The following CACNA1S variants were observed in gnomAD, a reference collection of about 807,000 sequenced individuals.
CACNA1S encodes the protein calcium voltage-gated channel subunit alpha1 S, also known as voltage-dependent L-type calcium channel subunit alpha-1S.
Under a neutral mutation model 207.4 loss-of-function variants are expected in CACNA1S, and 126 were observed. That is an observed-to-expected ratio of 0.61 (90% CI 0.53 to 0.70). The LOEUF (loss-of-function observed/expected upper bound fraction) is 0.70, where lower values mean the gene tolerates loss of function less well. CACNA1S is among the 30% of genes least tolerant of loss of function. The pLI is 0.00. For synonymous variants in CACNA1S, 960 were observed against 932.7 expected, an observed-to-expected ratio of 1.03 and a Z score of -0.53; for missense variants, 2,349 against 2,422.8, an observed-to-expected ratio of 0.97 and a Z score of 0.64.
intron 22 of CACNA1S, among the ~76,000 whole-genome samples, chr1:201,064,371 G>A (rs1242791394): frequency 2.6e-5 from 4 of 152,194 alleles, no homozygotes; most frequent in African/African-American, 9.6e-5. Flanking sequence ...CGTCCCTCCA[G>A]GACAGGGACC....
chr1:201,086,531 G>A (rs1662044264), intron 7 of CACNA1S, among the ~76,000 whole-genome samples: 1 of 152,198 alleles, frequency 6.6e-6, no homozygotes, highest in Non-Finnish European at 1.5e-5. Flanking sequence ...AACCTGGACA[G>A]CGTGTTACCA....
chr1:201,047,132 C>G lies in CACNA1S; in HGVS notation c.4651G>C (p.Asp1551His). ...EEYYGYRPKK[D>H]IVQIQAGLRT... ...GGGCTTACCTGGATCTGTACAATGT[C>G]CTTCTTGGGCCGATAGCCATAATAC... Residue 1551 changes from aspartate to histidine, a missense_variant, in exon 38 of 44, where the codon GAC (aspartate) becomes CAC (histidine). Coordinates refer to ENST00000362061, the MANE Select transcript of CACNA1S (RefSeq NM_000069.3). 6.2e-7 allele frequency: 1 copy of G among 1,614,178 alleles called. No homozygotes were observed. The highest frequency in any genetic ancestry group is 8.5e-7 in the Non-Finnish European group (1 of 1,180,036).
At chr1:201,041,334 A>G (rs1440880599) in intron 41 of CACNA1S, among the ~76,000 whole-genome samples, 170 bp downstream of exon 41, 4 of 152,132 alleles carry the variant, frequency 2.6e-5, no homozygotes, top group African/African-American at 9.7e-5. Context: ...CCCCTGGACA[A>G]GTAGCTGGTC....
At position 201,062,048 on chromosome 1, in the gene CACNA1S, T is replaced by C. The variant is rs1661070022; in HGVS notation, c.2949A>G (p.Ile983Met). 6.2e-7 allele frequency: 1 copy of C among 1,613,828 alleles called. No homozygotes were observed. Among genetic ancestry groups the C allele is most frequent in the South Asian group, 1.1e-5 (1 of 91,084 alleles). The change falls in exon 24 of 44, where the codon ATA becomes ATG. Residue 983 changes from isoleucine (I) to methionine (M), a missense_variant. By Grantham distance (10) the Ile-to-Met change is conservative (BLOSUM62 1). Transcript: ENST00000362061. ...GTACCCACTCGCGGTGACGCAGCTC[T>C]ATCTGCATGGGGTCCCCGTCCTTGT... The part of the protein sequence containing the change: ...YVYKDGDPMQ[I>M]ELRHREWVHS...
At position 201,039,950 on chromosome 1, in the gene CACNA1S, C is replaced by T. The variant is rs1332278716; in HGVS notation, c.5503G>A (p.Gly1835Arg). Residue 1835 changes from glycine to arginine, a missense_variant, in exon 44 of 44, where the codon GGA becomes AGA. Coordinates refer to ENST00000362061, the MANE Select transcript of CACNA1S (RefSeq NM_000069.3). The stretch of plus-strand genomic sequence containing the variant: ...GCCATGCCCTCTGGGGCCTCTCGTC[C>T]TTTCAGTAGCTCTGTTGCCATGATC... ...VEIMATELLKGREAPEGMASS... is the reference protein window; with the variant it reads ...VEIMATELLKRREAPEGMASS... 6.2e-7 allele frequency: 1 copy of T among 1,614,208 alleles called. No homozygotes were observed. Among genetic ancestry groups the T allele is most frequent in the Admixed American group, 1.7e-5 (1 of 60,036 alleles).
In CACNA1S at chr1:201,089,574, C is replaced by A. The variant is rs758005625; in HGVS notation, c.695-111G>T. The A allele has an allele frequency of 1.6e-4, 168 of 1,042,528 alleles. 1 individual carries two copies. Among genetic ancestry groups the A allele is most frequent in the Non-Finnish European group, 2.3e-4 (162 of 695,742 alleles). The allele number at this position is 1,042,528 out of a possible 1,614,324, so 64.6% of individuals were successfully genotyped here. On this transcript the variant is annotated intron_variant, in intron 5 of 43. Coordinates refer to ENST00000362061, the MANE Select transcript of CACNA1S (RefSeq NM_000069.3). The stretch of plus-strand genomic sequence containing the variant: ...GAATTGAGCAGTAAGTCTAAAGACA[C>A]TCTGCTGAAAATGCAAAAGACAGCT...
chr1:201,094,093 C>A (rs1490635414), intron 2 of CACNA1S, 72 bp from the exon 3 acceptor site: 1 of 1,582,824 alleles, frequency 6.3e-7, no homozygotes, highest in South Asian at 1.1e-5. Flanking sequence ...TCCCTGCAGC[C>A]GTGCTGGGTT....
At position 201,066,442 on chromosome 1, in the gene CACNA1S, T is replaced by G; in HGVS notation, c.2658-126A>C. The G allele has an allele frequency of 1.3e-6, 1 of 795,242 alleles. No homozygotes were observed. The highest frequency in any genetic ancestry group is 2.2e-6 in the Non-Finnish European group (1 of 464,732). The allele number at this position is 795,242 out of a possible 1,614,324, so 49.3% of individuals were successfully genotyped here. A position where few individuals can be genotyped will look rare whatever the true frequency, so the allele number is the denominator to read the frequency against. ...CTTTCTGCCTGAAAACACTCCCACC[T>G]TCCCCTTCCCTTTCCTCCAGCCGTG... On this transcript the variant is annotated intron_variant, in intron 20 of 43. Transcript: ENST00000362061. The surrounding 1 kb of genome is among the most constrained non-coding windows in gnomAD (Gnocchi z 4.3).
In CACNA1S at chr1:201,043,573, G is replaced by A. The variant is rs202185027; in HGVS notation, c.4798-42C>T. The stretch of plus-strand genomic sequence containing the variant: ...GAGCAGTGACTGGGGGTGAGGGCAG[G>A]GAGGGCATGGGGGGCTGTCACTCTG... On this transcript the variant is annotated intron_variant, in intron 39 of 43. Coordinates refer to ENST00000362061, the MANE Select transcript of CACNA1S (RefSeq NM_000069.3). 1.0e-3 allele frequency: 1,654 copies of A among 1,592,248 alleles called. 2 individuals are homozygous for A. Among genetic ancestry groups the A allele is most frequent in the Non-Finnish European group, 1.3e-3 (1,482 of 1,161,034 alleles).
chr1:201,058,615 G>A, intron 27 of CACNA1S, 124 bp from the exon 28 acceptor site: 1 of 743,494 alleles, frequency 1.3e-6, no homozygotes, highest in Non-Finnish European at 2.4e-6. Context: ...AAGGTGGGGT[G>A]CCCATGACTC....
chr1:201,062,492 T>A lies in CACNA1S; in HGVS notation c.2876A>T (p.Asp959Val). Residue 959 changes from aspartate (D) to valine (V), a missense_variant, in exon 23 of 44, where the codon GAC becomes GTC. Transcript: ENST00000362061. ...LFKGKFFRCT[D>V]LSKMTEEECR... ...CTCCTCCTCTGTCATCTTGGACAAG[T>A]CGGTGCACCTGAAGAACTTCCCCTG... 6.2e-7 allele frequency: 1 copy of A among 1,607,608 alleles called. No individual in the cohort carries two copies. The highest frequency in any genetic ancestry group is 8.5e-7 in the Non-Finnish European group (1 of 1,177,266).
Position 201,044,470 on chromosome 1 carries a change from A to G in CACNA1S, c.4669-14T>C, listed in dbSNP as rs1312473987. 2 of 1,610,444 alleles carry G rather than the reference A, an allele frequency of 1.2e-6. No individual in the cohort carries two copies. Among genetic ancestry groups the G allele is most frequent in the Admixed American group, 3.3e-5 (2 of 59,958 alleles). Reference sequence around the variant, plus strand: ...CCGCAGCCCTGCCTGGGGATGACGAAGGGACTCAGTTATCTCTCCAGCCCA... The same window carrying G: ...CCGCAGCCCTGCCTGGGGATGACGAGGGGACTCAGTTATCTCTCCAGCCCA... On this transcript the variant is annotated splice_polypyrimidine_tract_variant and intron_variant, in intron 38 of 43. Coordinates refer to ENST00000362061, the MANE Select transcript of CACNA1S (RefSeq NM_000069.3).
rs771362060 is a variant in CACNA1S, at chr1:201,048,699, G to A, written c.4339-15C>T. On this transcript the variant is annotated splice_polypyrimidine_tract_variant and intron_variant, in intron 35 of 43. Transcript: ENST00000362061. ...CCCACCAGCCGCTGTACAGGGAGAC[G>A]CAGTGGCCTGCCGCTGAGCTGGGAC... is the stretch of plus-strand genomic sequence containing the variant. 46 of 1,603,982 alleles carry A rather than the reference G, an allele frequency of 2.9e-5. No homozygotes were observed. Among genetic ancestry groups the A allele is most frequent in the South Asian group, 1.6e-4 (15 of 90,926 alleles).
In CACNA1S at chr1:201,073,553, G is replaced by A; in HGVS notation, c.2153C>T (p.Ala718Val). The part of the protein sequence containing the change: ...KPKGEGIPTT[A>V]KLKIDEFESN... The stretch of plus-strand genomic sequence containing the variant: ...ATCCCCACCTGAGGTGCTCACCTTG[G>A]CAGTGGTGGGGATGCCCTCACCCTT... The change falls in exon 15 of 44, where the codon GCC (alanine) becomes GTC (valine). Residue 718 changes from alanine to valine, a missense_variant. Coordinates refer to ENST00000362061, the MANE Select transcript of CACNA1S (RefSeq NM_000069.3). 1 of 1,611,996 alleles carries A rather than the reference G, an allele frequency of 6.2e-7. No homozygotes were observed. Among genetic ancestry groups the A allele is most frequent in the South Asian group, 1.1e-5 (1 of 91,058 alleles).
At chr1:201,085,645 G>A (rs1410753139) in intron 7 of CACNA1S, 64 bp from the exon 8 acceptor site, 7 of 1,586,702 alleles carry the variant, frequency 4.4e-6, no homozygotes, top group African/African-American at 1.3e-5. Context: ...GAAAGACTGA[G>A]CTTCCTGAGG....
At position 201,046,531 on chromosome 1, in the gene CACNA1S, G is replaced by C. The variant is rs1000578812; in HGVS notation, c.4668+584C>G. Reference sequence around the variant, plus strand: ...GCCCTTCATGGATCACCTTTCTTTAGAGAGAACTGTTCTTTTTTTTTTTTC... The same window carrying C: ...GCCCTTCATGGATCACCTTTCTTTACAGAGAACTGTTCTTTTTTTTTTTTC... On this transcript the variant is annotated intron_variant, in intron 38 of 43. Coordinates refer to ENST00000362061, the MANE Select transcript of CACNA1S (RefSeq NM_000069.3). Among the ~76,000 whole-genome samples, 7 of 151,552 alleles carry C rather than the reference G, an allele frequency of 4.6e-5. No individual in the cohort carries two copies. In the South Asian group the frequency reaches 1.2e-3, roughly 27 times the overall value.
rs1303012599 is a variant in CACNA1S, at chr1:201,070,420, G to A, written c.2228-16C>T. The A allele has an allele frequency of 5.0e-6, 8 of 1,613,366 alleles. No homozygotes were observed. Among genetic ancestry groups the A allele is most frequent in the Non-Finnish European group, 6.8e-6 (8 of 1,179,924 alleles). On this transcript the variant is annotated splice_polypyrimidine_tract_variant and intron_variant, in intron 16 of 43. Coordinates refer to ENST00000362061, the MANE Select transcript of CACNA1S (RefSeq NM_000069.3). ...TCGTCATCCCCTGTGGGGAGAGAGAGAGGAATTAGGGGTGTCTTCCCATGC... is the reference window on the plus strand; with the variant it reads ...TCGTCATCCCCTGTGGGGAGAGAGAAAGGAATTAGGGGTGTCTTCCCATGC...
chr1:201,064,461 G>A (rs911649915), intron 22 of CACNA1S, among the ~76,000 whole-genome samples: 13 of 152,340 alleles, frequency 8.5e-5, no homozygotes, highest in East Asian at 5.8e-4. Context: ...TGCCCTCAGC[G>A]AGGATTTGGC....
At chr1:201,059,365 C>T (rs1454074111) in intron 26 of CACNA1S, 66 bp from the exon 27 acceptor site, 6 of 962,656 alleles carry the variant, frequency 6.2e-6, no homozygotes, top group Non-Finnish European at 8.3e-6. Flanking sequence ...AGATTGCATT[C>T]CCAGAGCCCC....
Sources: gnomAD v4.1 joint callset for allele counts (sites outside exome capture counted in the v4.1 genomes callset) on GRCh38, gnomAD v4.1.1 for gene constraint, Gnocchi (gnomAD v3.1) non-coding constraint, MANE v1.5 for transcripts, NCBI Gene and HGNC (gene_info 2026-07-23, HGNC 2026-07-21) for gene names.